The following TENM4 variants were observed in gnomAD, a reference collection of about 807,000 sequenced individuals.
The protein encoded by TENM4 is teneurin transmembrane protein 4, also known as teneurin-4.
In TENM4, 82 loss-of-function variants were observed where a neutral mutation model predicts 243.3. The ratio of observed to expected loss-of-function variants is 0.34; its 90% confidence interval spans 0.28 to 0.40. The LOEUF is 0.40. Ranked by LOEUF, TENM4 falls within the 10% of genes least tolerant of loss-of-function variation. The pLI, the probability that TENM4 is intolerant of heterozygous loss-of-function variation, is 1.00. For synonymous variants in TENM4, 1,412 were observed against 1,456.3 expected, an observed-to-expected ratio of 0.97 and a Z score of 0.69; for missense variants, 3,138 against 3,673.3, an observed-to-expected ratio of 0.85 and a Z score of 3.77.
At chr11:79,425,677 C>T (rs904651699) in intron 1 of TENM4, among the ~76,000 whole-genome samples, 1 of 152,212 alleles carries the variant, frequency 6.6e-6, no homozygotes, top group Non-Finnish European at 1.5e-5. Flanking sequence ...AGTAGGGGCA[C>T]AAATGGCCTA....
chr11:79,085,309 G>A (rs775461114), intron 4 of TENM4, among the ~76,000 whole-genome samples: 5 of 151,116 alleles, frequency 3.3e-5, no homozygotes, highest in Admixed American at 1.3e-4. Flanking sequence ...CCCGGGAGGC[G>A]GAGCTTGCAG....
At chr11:79,387,931 A>G (rs1384497433) in intron 1 of TENM4, among the ~76,000 whole-genome samples, 2 of 152,224 alleles carry the variant, frequency 1.3e-5, no homozygotes, top group Non-Finnish European at 2.9e-5. Context: ...CTTGAGCCCA[A>G]GAGGCTGGGG....
intron 17 of TENM4, among the ~76,000 whole-genome samples, chr11:78,775,897 TC>T (rs1222035200): frequency 1.3e-5 from 2 of 152,150 alleles, no homozygotes; most frequent in African/African-American, 4.8e-5. Flanking sequence ...TATGAAGAAG[TC>T]CCCCTTGCAG....
At chr11:79,263,270 G>C (rs954272966) in intron 2 of TENM4, among the ~76,000 whole-genome samples, 3 of 152,214 alleles carry the variant, frequency 2.0e-5, no homozygotes, top group African/African-American at 7.2e-5. Flanking sequence ...CAGAGACTTT[G>C]CTGGGCTGAG....
intron 3 of TENM4, among the ~76,000 whole-genome samples, chr11:79,208,053 C>T (rs1863884505): frequency 6.6e-6 from 1 of 151,964 alleles, no homozygotes; most frequent in African/African-American, 2.4e-5. Context: ...ACCATATGGC[C>T]TTCTAACATG....
intron 15 of TENM4, among the ~76,000 whole-genome samples, chr11:78,799,919 G>C (rs1769961474): frequency 6.6e-6 from 1 of 152,108 alleles, no homozygotes; most frequent in African/African-American, 2.4e-5. Context: ...AGCTCATATA[G>C]CAGTGGAAAT....
chr11:79,384,001 C>A (rs527696986), intron 1 of TENM4, among the ~76,000 whole-genome samples: 5 of 152,162 alleles, frequency 3.3e-5, no homozygotes, highest in African/African-American at 7.2e-5. Context: ...ACCTGCCCCC[C>A]CTTCCTTTCT....
At chr11:78,667,789 G>A (rs909252598) in intron 32 of TENM4, among the ~76,000 whole-genome samples, 10 of 152,194 alleles carry the variant, frequency 6.6e-5, no homozygotes, top group Admixed American at 3.3e-4. Flanking sequence ...GAATTGAATC[G>A]CACGACAAAA....
intron 1 of TENM4, among the ~76,000 whole-genome samples, chr11:79,356,143 C>A (rs1565312716): frequency 6.6e-6 from 1 of 152,254 alleles, no homozygotes; most frequent in East Asian, 1.9e-4. Flanking sequence ...ATCAGCAGAT[C>A]CCTGCCTTGC....
At chr11:78,823,911 T>C (rs1471219708) in intron 12 of TENM4, among the ~76,000 whole-genome samples, 2 of 152,192 alleles carry the variant, frequency 1.3e-5, no homozygotes, top group African/African-American at 4.8e-5. Context: ...TTTCAAGTAT[T>C]TCCACATACA....
In TENM4 at chr11:78,658,280, C is replaced by T; in HGVS notation, c.8088G>A (p.Gln2696=). Residue 2696 remains glutamine (Q), a synonymous_variant, in exon 34 of 34, where the codon CAG becomes CAA. Coordinates refer to ENST00000278550, the MANE Select transcript of TENM4 (RefSeq NM_001098816.3). ...EKARVLELAR[Q]RAVRQAWARE... is the part of the protein sequence containing the mutation. ...GGGCCCACGCTTGGCGCACGGCTCT[C>T]TGCCGGGCCAGCTCCAGGACCCGTG... 6.2e-7 allele frequency: 1 copy of T among 1,613,034 alleles called. No individual in the cohort carries two copies. The highest frequency in any genetic ancestry group is 8.5e-7 in the Non-Finnish European group (1 of 1,179,166).
At chr11:78,986,346 A>C (rs529679684) in intron 6 of TENM4, among the ~76,000 whole-genome samples, 3 of 152,346 alleles carry the variant, frequency 2.0e-5, no homozygotes, top group Non-Finnish European at 4.4e-5. Flanking sequence ...TCTTATTTTC[A>C]TAAAATCTTT....
intron 6 of TENM4, among the ~76,000 whole-genome samples, chr11:79,000,390 T>G (rs1052467766): frequency 6.6e-6 from 1 of 152,078 alleles, no homozygotes; most frequent in African/African-American, 2.4e-5. Context: ...CTTAATATCT[T>G]TAAAAAATAT....
intron 6 of TENM4, among the ~76,000 whole-genome samples, chr11:78,951,036 C>T (rs914793521): frequency 2.0e-5 from 3 of 152,230 alleles, no homozygotes; most frequent in Non-Finnish European, 4.4e-5. Flanking sequence ...TGTTGCTTGT[C>T]TCCTCCCACA....
rs767920698 is a variant in TENM4 at position 78,738,446 on chromosome 11, C to T, written c.2876+5G>A. On this transcript the variant is annotated splice_donor_5th_base_variant and intron_variant, in intron 20 of 33. Coordinates refer to ENST00000278550, the MANE Select transcript of TENM4 (RefSeq NM_001098816.3). ...ACTGTTTCTGGCTCATAGAAGGTCT[C>T]CTACCTGCCATCTTGCCTGCTGATT... is the stretch of plus-strand genomic sequence containing the variant. The T allele has an allele frequency of 4.3e-6, 7 of 1,613,104 alleles. No homozygotes were observed. The highest frequency in any genetic ancestry group is 5.9e-6 in the Non-Finnish European group (7 of 1,179,522).
At chr11:79,049,519 T>C (rs746882207) in intron 6 of TENM4, among the ~76,000 whole-genome samples, 9 of 152,298 alleles carry the variant, frequency 5.9e-5, no homozygotes, top group South Asian at 2.1e-4. Context: ...GGAGTTAACA[T>C]AGCAGGCCGA....
chr11:79,428,467 C>A (rs549525698), intron 1 of TENM4, among the ~76,000 whole-genome samples: 2 of 152,302 alleles, frequency 1.3e-5, no homozygotes, highest in East Asian at 3.9e-4. Context: ...AGGATGTGGA[C>A]AGAAATCAAG....
At chr11:79,094,310 A>G (rs141986036) in intron 4 of TENM4, among the ~76,000 whole-genome samples, 71 of 152,278 alleles carry the variant, frequency 4.7e-4, no homozygotes, top group Non-Finnish European at 8.8e-4. Flanking sequence ...TGGCCCATTT[A>G]TCCCTCACAG....
At chr11:79,262,083 A>C (rs1855807874) in intron 2 of TENM4, among the ~76,000 whole-genome samples, 1 of 152,194 alleles carries the variant, frequency 6.6e-6, no homozygotes, top group South Asian at 2.1e-4. Context: ...AGGAGTCTGA[A>C]GTTTCAATGG....
Sources: gnomAD v4.1 joint callset for allele counts (sites outside exome capture counted in the v4.1 genomes callset) on GRCh38, gnomAD v4.1.1 for gene constraint, MANE v1.5 for transcripts, NCBI Gene and HGNC (gene_info 2026-07-23, HGNC 2026-07-21) for gene names.